Variants in GLRB observed in about 807,000 individuals in gnomAD.
GLRB encodes glycine receptor beta.
A neutral mutation model predicts 54.2 loss-of-function variants in GLRB; 33 were observed. That is an observed-to-expected ratio of 0.61 (90% CI 0.46 to 0.81). The LOEUF (loss-of-function observed/expected upper bound fraction) is 0.81. Ranked by LOEUF, GLRB falls within the 40% of genes least tolerant of loss-of-function variation. GLRB has a pLI of 0.00. For synonymous variants in GLRB, 209 were observed against 208.2 expected (o/e 1.00, Z -0.03); for missense variants, 572 against 584.6 (o/e 0.98, Z 0.22).
rs745824514 is a variant in GLRB, at chr4:157,138,934, T to C, written c.736T>C (p.Tyr246His). Residue 246 changes from tyrosine to histidine, a missense_variant, in exon 7 of 10, where the codon TAC becomes CAC. Transcript: ENST00000264428. The part of the protein sequence containing the change: ...EDIEYGNCTK[Y>H]YKGTGYYTCV... ...TATTGAATATGGTAACTGTACAAAA[T>C]ACTATAAAGGCACGGGTAAGTAATA... 4.7e-5 allele frequency: 68 copies of C among 1,446,784 alleles called. No individual in the cohort carries two copies. Among genetic ancestry groups the C allele is most frequent in the Non-Finnish European group, 6.2e-5 (64 of 1,029,270 alleles). The allele number at this position is 1,446,784 out of a possible 1,614,324, so 89.6% of individuals were successfully genotyped here. A position where few individuals can be genotyped will look rare whatever the true frequency, so the allele number is the denominator to read the frequency against.
At chr4:157,088,915 T>C (rs1734508541) in intron 2 of GLRB, among the ~76,000 whole-genome samples, 1 of 152,172 alleles carries the variant, frequency 6.6e-6, no homozygotes, top group Non-Finnish European at 1.5e-5. Flanking sequence ...ATTACTATGT[T>C]TCTTCAACTA....
Position 157,152,927 on chromosome 4 carries a change from C to G in GLRB, c.1114C>G (p.Gln372Glu). The G allele has an allele frequency of 6.2e-7, 1 of 1,613,830 alleles. No homozygotes were observed. The highest frequency in any genetic ancestry group is 1.1e-5 in the South Asian group (1 of 91,076). ...AEKARIAKAE[Q>E]ADGKGGNVAK... Reference sequence around the variant, plus strand: ...AAAAGCCAGAATTGCTAAGGCTGAGCAAGCAGATGGAAAAGGTGGAAATGT... The same window carrying G: ...AAAAGCCAGAATTGCTAAGGCTGAGGAAGCAGATGGAAAAGGTGGAAATGT... Residue 372 changes from glutamine to glutamate, a missense_variant, in exon 9 of 10, where the codon CAA (glutamine) becomes GAA (glutamate). Transcript: ENST00000264428.
chr4:157,119,649 A>T (rs1735731530), intron 2 of GLRB, among the ~76,000 whole-genome samples: 1 of 151,720 alleles, frequency 6.6e-6, no homozygotes, highest in African/African-American at 2.4e-5. Context: ...AACAATATTT[A>T]CTAGTCTCTA....
At chr4:157,168,539 A>G (rs763162683) in intron 9 of GLRB, among the ~76,000 whole-genome samples, 64 of 152,164 alleles carry the variant, frequency 4.2e-4, no homozygotes, top group Non-Finnish European at 7.8e-4. Context: ...GTCCTATTGA[A>G]CAAGGATGGG....
intron 4 of GLRB, among the ~76,000 whole-genome samples, chr4:157,127,685 GC>G (rs1467181220): frequency 5.3e-5 from 8 of 151,826 alleles, no homozygotes; most frequent in African/African-American, 1.9e-4. Context: ...AGTGGTAGTA[GC>G]TGTGATGCAG....
chr4:157,151,255 T>C (rs10517661), intron 8 of GLRB, among the ~76,000 whole-genome samples: 8,758 of 152,164 alleles, frequency 0.058, 843 homozygotes, highest in African/African-American at 0.2. Flanking sequence ...TCACAAAATT[T>C]GGCAAAGAAT....
At chr4:157,164,422 C>G (rs1181105977) in intron 9 of GLRB, among the ~76,000 whole-genome samples, 1 of 152,260 alleles carries the variant, frequency 6.6e-6, no homozygotes, top group South Asian at 2.1e-4. Context: ...ATCTCCCTAT[C>G]TTTTACCACT....
At position 157,158,939 on chromosome 4, in the gene GLRB, G is replaced by A. The variant is rs904371755; in HGVS notation, c.1197+5929G>A. 2.6e-5 allele frequency among the ~76,000 whole-genome samples: 4 copies of A among 152,078 alleles called. No homozygotes were observed. In the South Asian group the frequency reaches 6.2e-4, roughly 24 times the overall value. ...CTTTGGGCAGTATAGCCATTTTCAC[G>A]ATATTGATTCTTCCTATCCATGAGC... On this transcript the variant is annotated intron_variant, in intron 9 of 9. Coordinates refer to ENST00000264428, the MANE Select transcript of GLRB (RefSeq NM_000824.5).
intron 4 of GLRB, among the ~76,000 whole-genome samples, chr4:157,134,074 A>C (rs1313831617): frequency 6.6e-6 from 1 of 152,084 alleles, no homozygotes; most frequent in East Asian, 1.9e-4. Flanking sequence ...TTTCACCCCA[A>C]AATACAGAAT....
chr4:157,136,325 A>C, intron 4 of GLRB, 144 bp from the exon 5 acceptor site: 1 of 648,790 alleles, frequency 1.5e-6, no homozygotes, highest in Non-Finnish European at 2.8e-6. Flanking sequence ...CTTTAGTGAC[A>C]CAGTTGTTGT....
chr4:157,091,132 A>C (rs1027572526), intron 2 of GLRB, among the ~76,000 whole-genome samples: 1 of 152,280 alleles, frequency 6.6e-6, no homozygotes, highest in East Asian at 1.9e-4. Context: ...CAATCACTCT[A>C]TCTCTACATA....
intron 9 of GLRB, among the ~76,000 whole-genome samples, chr4:157,164,362 A>C (rs1189321182): frequency 6.6e-6 from 1 of 152,148 alleles, no homozygotes; most frequent in African/African-American, 2.4e-5. Context: ...GTTATGTGGA[A>C]GTGTTCTCTA....
intron 9 of GLRB, among the ~76,000 whole-genome samples, chr4:157,159,764 T>C (rs1737394853): frequency 1.3e-5 from 2 of 152,332 alleles, no homozygotes; most frequent in African/African-American, 2.4e-5. Flanking sequence ...TTGGCATTGA[T>C]GTTCATCCGG....
At chr4:157,109,171 C>G (rs1182035447) in intron 2 of GLRB, among the ~76,000 whole-genome samples, 1 of 151,990 alleles carries the variant, frequency 6.6e-6, no homozygotes, top group African/African-American at 2.4e-5. Flanking sequence ...TGGAACTGAT[C>G]TCTAAATATG....
chr4:157,144,227 G>T (rs1736723871), intron 8 of GLRB, among the ~76,000 whole-genome samples: 1 of 152,094 alleles, frequency 6.6e-6, no homozygotes, highest in Non-Finnish European at 1.5e-5. Flanking sequence ...ATTTATAAGT[G>T]ATTTTCACGG....
At chr4:157,097,664 A>T (rs1734861885) in intron 2 of GLRB, among the ~76,000 whole-genome samples, 1 of 152,210 alleles carries the variant, frequency 6.6e-6, no homozygotes, top group African/African-American at 2.4e-5. Context: ...ATGGTTAATG[A>T]CTTTTTACAT....
At chr4:157,153,675 A>G (rs1345925896) in intron 9 of GLRB, among the ~76,000 whole-genome samples, 2 of 152,198 alleles carry the variant, frequency 1.3e-5, no homozygotes, top group African/African-American at 2.4e-5. Context: ...TCAACGTGCC[A>G]GGCTGTGTAA....
Position 157,088,846 on chromosome 4 carries a change from G to GA in GLRB, c.122+10705dup, listed in dbSNP as rs959670019. ...AACATATTAAAGGGTCACCCACCTGGAAAAATGTATATAGTTTTTATATTC... is the reference window on the plus strand; with the variant it reads ...AACATATTAAAGGGTCACCCACCTGGAAAAAATGTATATAGTTTTTATATTC... On this transcript the variant is annotated intron_variant, in intron 2 of 9. Coordinates refer to ENST00000264428, the MANE Select transcript of GLRB (RefSeq NM_000824.5). Among the ~76,000 whole-genome samples, 8 of 152,068 alleles carry GA rather than the reference G, an allele frequency of 5.3e-5. No homozygotes were observed. In the East Asian group the frequency reaches 1.6e-3, roughly 29 times the overall value.
At chr4:157,119,266 G>A (rs1735716044) in intron 2 of GLRB, among the ~76,000 whole-genome samples, 1 of 151,482 alleles carries the variant, frequency 6.6e-6, no homozygotes, top group Non-Finnish European at 1.5e-5. Flanking sequence ...ATTCCCTTCT[G>A]CCTCCCAAGC....
Sources: allele counts gnomAD v4.1 joint callset (sites outside exome capture counted in the v4.1 genomes callset), GRCh38; gene constraint gnomAD v4.1.1; transcripts MANE v1.5; gene names NCBI Gene and HGNC (gene_info 2026-07-23, HGNC 2026-07-21).